Variants in AK3 observed in about 807,000 individuals in gnomAD.
AK3 encodes GTP:AMP phosphotransferase AK3, mitochondrial.
In AK3, 27 loss-of-function variants were observed where a neutral mutation model predicts 23.7. The observed-to-expected ratio is 1.14, with a 90% CI of 0.84 to 1.57. The LOEUF (loss-of-function observed/expected upper bound fraction) is 1.57, where lower values mean the gene tolerates loss of function less well. Ranked by LOEUF, AK3 falls within the 40% of genes most tolerant of loss-of-function variation. The pLI is 0.00. For missense variants in AK3, 406 were observed against 285.6 expected (o/e 1.42, Z -3.04); for synonymous variants, 159 against 116.0 (o/e 1.37, Z -2.38).
intron 1 of AK3, among the ~76,000 whole-genome samples, chr9:4,731,886 T>C (rs1237870740): frequency 6.6e-6 from 1 of 152,160 alleles, no homozygotes. Flanking sequence ...ATGAAGACAA[T>C]GGGGATGAAG....
rs761261048 is a variant in AK3, at chr9:4,722,562, G to A, written c.215C>T (p.Thr72Ile). ...TTTCAGCTCATGAAGGGCCAGCCGAGTCATGACATCATCTGGGATGAGTTT... is the reference window on the plus strand; with the variant it reads ...TTTCAGCTCATGAAGGGCCAGCCGAATCATGACATCATCTGGGATGAGTTT... ...QGKLIPDDVMTRLALHELKNL... is the reference protein window; with the variant it reads ...QGKLIPDDVMIRLALHELKNL... Residue 72 changes from threonine (T) to isoleucine (I), a missense_variant, in exon 2 of 5, where the codon ACT becomes ATT. Transcript: ENST00000381809. The A allele has an allele frequency of 6.2e-7, 1 of 1,614,206 alleles. No homozygotes were observed. The highest frequency in any genetic ancestry group is 1.1e-5 in the South Asian group (1 of 91,082).
intron 1 of AK3, among the ~76,000 whole-genome samples, chr9:4,735,781 T>C (rs182147989): frequency 3.0e-5 from 1 of 33,136 alleles, no homozygotes; most frequent in Non-Finnish European, 5.4e-5. Flanking sequence ...AAAAATATTT[T>C]AAAAAGAAAA....
intron 1 of AK3, among the ~76,000 whole-genome samples, chr9:4,730,912 A>C (rs1448122134): frequency 6.6e-6 from 1 of 152,076 alleles, no homozygotes; most frequent in East Asian, 1.9e-4. Flanking sequence ...AAGTTACATG[A>C]GTTTTTATCT....
intron 1 of AK3, among the ~76,000 whole-genome samples, chr9:4,729,237 T>C (rs1346572701): frequency 3.3e-5 from 5 of 152,068 alleles, no homozygotes; most frequent in Non-Finnish European, 7.4e-5. Flanking sequence ...GCTGAACTCC[T>C]GACTTTGGGT....
rs1035484321 is a variant in AK3, at chr9:4,710,467, C to G, written c.*2509G>C. 1.3e-5 allele frequency: 2 copies of G among 151,412 alleles called. No individual in the cohort carries two copies. The highest frequency in any genetic ancestry group is 4.9e-5 in the African/African-American group (2 of 41,230). The allele number at this position is 151,412 out of a possible 1,614,324, so 9.4% of individuals were successfully genotyped here. ...ATCTCCTGACCTCGTGATCCGCCCG[C>G]CTCGGCCTCCCAAAGTGCTGGGATT... On this transcript the variant is annotated 3_prime_UTR_variant, in exon 5 of 5. Transcript: ENST00000381809.
rs1258569734 is a variant in AK3 at position 4,710,065 on chromosome 9, T to C, written c.*2911A>G. Reference sequence around the variant, plus strand: ...GGGTTTAGAGATTTGAGCCAGTATTTAAACTATTTGAAATGGAACTGACAG... The same window carrying C: ...GGGTTTAGAGATTTGAGCCAGTATTCAAACTATTTGAAATGGAACTGACAG... On this transcript the variant is annotated 3_prime_UTR_variant, in exon 5 of 5. Transcript: ENST00000381809. The C allele has an allele frequency of 2.0e-5, 3 of 152,228 alleles. No individual in the cohort carries two copies. Among genetic ancestry groups the C allele is most frequent in the African/African-American group, 7.2e-5 (3 of 41,442 alleles). The allele number at this position is 152,228 out of a possible 1,614,324, so 9.4% of individuals were successfully genotyped here.
At chr9:4,718,906 G>A (rs769245853) in intron 3 of AK3, among the ~76,000 whole-genome samples, 15 of 152,212 alleles carry the variant, frequency 9.9e-5, no homozygotes, top group Non-Finnish European at 1.9e-4. Flanking sequence ...CCTTGGCAGA[G>A]CAGGAAATCA....
chr9:4,722,661 T>C, intron 1 of AK3, 36 bp from the exon 2 acceptor site: 1 of 1,613,908 alleles, frequency 6.2e-7, no homozygotes, highest in South Asian at 1.1e-5. Flanking sequence ...AGTAAGTGCA[T>C]TTGTTTTATC....
At position 4,735,260 on chromosome 9, in the gene AK3, TAA is replaced by T. The variant is rs1410148215; in HGVS notation, c.151+5675_151+5676del. ...ATACATATATAAATATATATATATA[TAA>T]ATATATATATAAATATATATACATA... On this transcript the variant is annotated intron_variant, in intron 1 of 4. Coordinates refer to ENST00000381809, the MANE Select transcript of AK3 (RefSeq NM_016282.4). 2.9e-3 allele frequency among the ~76,000 whole-genome samples: 47 copies of T among 16,342 alleles called. 11 individuals carry two copies. Among genetic ancestry groups the T allele is most frequent in the South Asian group, 8.4e-3 (4 of 476 alleles). 10.7% of individuals were successfully genotyped at this position (16,342 alleles called of 152,430 possible). A position where few individuals can be genotyped will look rare whatever the true frequency, so the allele number is the denominator to read the frequency against.
At chr9:4,716,775 T>G (rs1433515654) in intron 4 of AK3, among the ~76,000 whole-genome samples, 4 of 152,096 alleles carry the variant, frequency 2.6e-5, no homozygotes, top group African/African-American at 9.7e-5. Flanking sequence ...AAAAAAAATT[T>G]TTTTAATTGG....
intron 4 of AK3, among the ~76,000 whole-genome samples, chr9:4,716,994 C>A (rs959685862): frequency 6.6e-6 from 1 of 152,172 alleles, no homozygotes; most frequent in East Asian, 1.9e-4. Flanking sequence ...CATACATACG[C>A]TATTACAACA....
At chr9:4,741,519 C>T (rs949063384), upstream of AK3, among the ~76,000 whole-genome samples, 1 of 152,070 alleles carries the variant, frequency 6.6e-6, no homozygotes, top group East Asian at 1.9e-4. Flanking sequence ...TCTCCGCGAC[C>T]CCGGAACCCC....
intron 1 of AK3, among the ~76,000 whole-genome samples, chr9:4,735,345 AT>A (rs1284393755): frequency 1.8e-3 from 204 of 111,938 alleles, no homozygotes; most frequent in Middle Eastern, 7.7e-3. Flanking sequence ...ATATATATAC[AT>A]ATATAAATAT....
At chr9:4,739,580 G>A (rs1176537301) in intron 1 of AK3, among the ~76,000 whole-genome samples, 1 of 151,678 alleles carries the variant, frequency 6.6e-6, no homozygotes, top group Non-Finnish European at 1.5e-5. Flanking sequence ...GACACAAAGT[G>A]AAACCACACT....
At chr9:4,722,162 T>C (rs1209349266) in intron 2 of AK3, among the ~76,000 whole-genome samples, 1 of 152,226 alleles carries the variant, frequency 6.6e-6, no homozygotes, top group Admixed American at 6.5e-5. Context: ...CCCTCAAGGA[T>C]TCGGCCATAC....
intron 1 of AK3, among the ~76,000 whole-genome samples, chr9:4,740,458 G>A (rs895205742): frequency 1.3e-5 from 2 of 152,256 alleles, no homozygotes; most frequent in South Asian, 2.1e-4. Flanking sequence ...TGGGGGAAAG[G>A]TCAGAACTAC....
intron 1 of AK3, among the ~76,000 whole-genome samples, chr9:4,727,979 A>G (rs1842056615): frequency 6.6e-6 from 1 of 152,216 alleles, no homozygotes; most frequent in African/African-American, 2.4e-5. Flanking sequence ...CAGAACACAC[A>G]TAACATTTAT....
Position 4,733,311 on chromosome 9 carries a change from C to T in AK3, c.151+7626G>A, listed in dbSNP as rs1842196487. ...TGTCAGGAAATTAGTTAAATGATAG[C>T]TTTACACCCAATCAAGGGCTTTAAA... On this transcript the variant is annotated intron_variant, in intron 1 of 4. Coordinates refer to ENST00000381809, the MANE Select transcript of AK3 (RefSeq NM_016282.4). Among the ~76,000 whole-genome samples, 3 of 146,958 alleles carry T rather than the reference C, an allele frequency of 2.0e-5. No individual in the cohort carries two copies. The Admixed American group carries it at 2.1e-4, about 10-fold the overall frequency.
At chr9:4,729,956 A>G (rs1265001602) in intron 1 of AK3, among the ~76,000 whole-genome samples, 2 of 152,238 alleles carry the variant, frequency 1.3e-5, no homozygotes, top group African/African-American at 4.8e-5. Flanking sequence ...TGAACAGGTA[A>G]ATAAAATGTG....
Sources: gnomAD v4.1 joint callset for allele counts (sites outside exome capture counted in the v4.1 genomes callset) on GRCh38, gnomAD v4.1.1 for gene constraint, MANE v1.5 for transcripts, NCBI Gene and HGNC (gene_info 2026-07-23, HGNC 2026-07-21) for gene names.